Variants in KREMEN1 observed in about 807,000 individuals in gnomAD.
KREMEN1 encodes kremen protein 1.
In KREMEN1, 30 loss-of-function variants were observed where a neutral mutation model predicts 46.5. The observed-to-expected ratio is 0.65, with a 90% confidence interval of 0.48 to 0.88. KREMEN1 has a LOEUF of 0.88. KREMEN1 is among the 40% of genes least tolerant of loss of function. The probability of loss-of-function intolerance (pLI) is 0.00; values close to 1 mark genes in which losing one functional copy is unlikely to be tolerated. For missense variants in KREMEN1, 533 were observed against 596.9 expected (o/e 0.89, Z 1.11); for synonymous variants, 214 against 230.6 (o/e 0.93, Z 0.65).
intron 5 of KREMEN1, among the ~76,000 whole-genome samples, chr22:29,131,552 ATATATATATG>A (rs1229297031): frequency 9.4e-4 from 63 of 66,982 alleles, no homozygotes; most frequent in African/African-American, 1.2e-3. Context: ...ATATATATAT[ATATATATATG>A]TGTGTGTGTG....
At chr22:29,096,475 AC>A (rs2037884336) in intron 2 of KREMEN1, among the ~76,000 whole-genome samples, 1 of 152,192 alleles carries the variant, frequency 6.6e-6, no homozygotes, top group South Asian at 2.1e-4. Flanking sequence ...GTACCCATAA[AC>A]ATCCATTAAG....
intron 3 of KREMEN1, among the ~76,000 whole-genome samples, chr22:29,119,999 G>T (rs1249470757): frequency 6.6e-6 from 1 of 151,262 alleles, no homozygotes; most frequent in Non-Finnish European, 1.5e-5. Context: ...GAAACAGAGG[G>T]AGGAAGAAGA....
rs943275114 is a variant in KREMEN1 at position 29,125,080 on chromosome 22, T to C, written c.478-183T>C. 22 of 638,122 alleles carry C rather than the reference T, an allele frequency of 3.4e-5. No homozygotes were observed. The African/African-American group carries it at 3.6e-4, about 10-fold the overall frequency. 39.5% of individuals were successfully genotyped at this position (638,122 alleles called of 1,614,324 possible). A position where few individuals can be genotyped will look rare whatever the true frequency, so the allele number is the denominator to read the frequency against. On this transcript the variant is annotated intron_variant, in intron 4 of 8. Transcript: ENST00000400335. ...GCCGACAGGGAAACACATTGGTGGT[T>C]GCGTACTTATTGTTCAGCTTGAAAT...
intron 9 of KREMEN1, among the ~76,000 whole-genome samples, chr22:29,156,006 AT>A (rs140636313): frequency 0.029 from 4,475 of 152,242 alleles, 151 homozygotes; most frequent in East Asian, 0.1. Context: ...AAAGAACAAC[AT>A]AAGTCTCTCT....
chr22:29,109,740 G>A (rs2038114755), intron 3 of KREMEN1, among the ~76,000 whole-genome samples: 1 of 152,228 alleles, frequency 6.6e-6, no homozygotes, highest in Admixed American at 6.5e-5. Flanking sequence ...ATCAAAGGAA[G>A]AAAGTTTGGG....
chr22:29,087,849 G>A (rs966943148), intron 1 of KREMEN1, among the ~76,000 whole-genome samples: 1 of 152,180 alleles, frequency 6.6e-6, no homozygotes, highest in Non-Finnish European at 1.5e-5. Flanking sequence ...ACAGGCATGA[G>A]CCACCACGCC....
chr22:29,160,421 TCCCAGCTA>T (rs985632420), intron 9 of KREMEN1, among the ~76,000 whole-genome samples: 18 of 150,352 alleles, frequency 1.2e-4, no homozygotes, highest in African/African-American at 4.2e-4. Context: ...GTGCCTGTAA[TCCCAGCTA>T]CTCGGGAGGC....
chr22:29,165,044 G>A (rs566690318), intron 9 of KREMEN1, among the ~76,000 whole-genome samples: 3 of 152,196 alleles, frequency 2.0e-5, no homozygotes, highest in East Asian at 1.9e-4. Flanking sequence ...ATGGTGGTGC[G>A]TGCCTGTGGT....
At chr22:29,153,968 T>TC (rs2038939582) in intron 9 of KREMEN1, among the ~76,000 whole-genome samples, 1 of 42,964 alleles carries the variant, frequency 2.3e-5, no homozygotes, top group Non-Finnish European at 6.6e-5. Context: ...AGACTTCCTC[T>TC]CAAAAAAAAA....
Position 29,131,628 on chromosome 22 carries a change from ATGTATATATATGTG to A in KREMEN1, c.632-5700_632-5687del, listed in dbSNP as rs1556013627. 6.7e-5 allele frequency among the ~76,000 whole-genome samples: 9 copies of A among 133,738 alleles called. No individual in the cohort carries two copies. The South Asian group carries it at 1.4e-3, about 21-fold the overall frequency. The allele number at this position is 133,738 out of a possible 152,430, so 87.7% of individuals were successfully genotyped here. On this transcript the variant is annotated intron_variant, in intron 5 of 8. Transcript: ENST00000400335. Reference sequence around the variant, plus strand: ...TATATGTGTGTATATATATGTATATATGTATATATATGTGTGTATATATATGTATATATATACAT... The same window carrying A: ...TATATGTGTGTATATATATGTATATATGTATATATATGTATATATATACAT...
downstream of KREMEN1, among the ~76,000 whole-genome samples, chr22:29,150,855 G>T (rs542288900): frequency 6.6e-6 from 1 of 152,148 alleles, no homozygotes; most frequent in Non-Finnish European, 1.5e-5. Context: ...CATCTTTGCC[G>T]CAACCCAACA....
At chr22:29,131,756 G>GTATATATATATGTATATATA (rs2038560660) in intron 5 of KREMEN1, among the ~76,000 whole-genome samples, 1 of 131,292 alleles carries the variant, frequency 7.6e-6, no homozygotes, top group Non-Finnish European at 1.5e-5. Flanking sequence ...ATGTATATAT[G>GTATATATATATGTATATATA]TATATATATA....
intron 9 of KREMEN1, chr22:29,154,870 C>G (rs1445420255): frequency 6.6e-6 from 1 of 152,040 alleles, no homozygotes; most frequent in Non-Finnish European, 1.5e-5. Context: ...GACTCTAAAC[C>G]TGGACATTAG....
intron 2 of KREMEN1, among the ~76,000 whole-genome samples, chr22:29,097,858 A>G (rs1173270620): frequency 1.3e-5 from 2 of 152,164 alleles, no homozygotes; most frequent in Middle Eastern, 3.4e-3. Context: ...TATGTCATCT[A>G]TTGGGTTTTA....
intron 1 of KREMEN1, among the ~76,000 whole-genome samples, chr22:29,080,862 C>A (rs535960344): frequency 7.9e-5 from 12 of 151,066 alleles, no homozygotes; most frequent in Non-Finnish European, 1.5e-4. Context: ...AGAGCCCCCA[C>A]GCCAAAGAGT....
At chr22:29,110,117 C>G (rs1269287062) in intron 3 of KREMEN1, among the ~76,000 whole-genome samples, 1 of 152,210 alleles carries the variant, frequency 6.6e-6, no homozygotes, top group African/African-American at 2.4e-5. Flanking sequence ...TATCATTTCT[C>G]CCAGTTCTCT....
intron 3 of KREMEN1, among the ~76,000 whole-genome samples, chr22:29,110,917 T>C (rs1808777460): frequency 6.6e-6 from 1 of 152,102 alleles, no homozygotes; most frequent in African/African-American, 2.4e-5. Context: ...AGAAGTAGGA[T>C]ACCAGCTGCA....
intron 1 of KREMEN1, among the ~76,000 whole-genome samples, chr22:29,079,933 T>C (rs1355238230): frequency 6.6e-6 from 1 of 152,192 alleles, no homozygotes; most frequent in African/African-American, 2.4e-5. Context: ...TCAAAGAAAA[T>C]TATTGGGCTG....
Position 29,144,292 on chromosome 22 carries a change from G to A in KREMEN1, c.*2180G>A, listed in dbSNP as rs575217570. On this transcript the variant is annotated 3_prime_UTR_variant, in exon 9 of 9. Coordinates refer to ENST00000400335, the MANE Select transcript of KREMEN1 (RefSeq NM_001039570.3). ...GAGGAAAGAGGGCCACACAGGAAGT[G>A]TCTGCAGGGAGAGGTGGCACTCGGC... 2.0e-6 allele frequency: 2 copies of A among 985,628 alleles called. No homozygotes were observed. The highest frequency in any genetic ancestry group is 2.4e-6 in the Non-Finnish European group (2 of 830,142). The allele number at this position is 985,628 out of a possible 1,614,324, so 61.1% of individuals were successfully genotyped here. A position where few individuals can be genotyped will look rare whatever the true frequency, so the allele number is the denominator to read the frequency against.
Sources: allele counts gnomAD v4.1 joint callset (sites outside exome capture counted in the v4.1 genomes callset), GRCh38; gene constraint gnomAD v4.1.1; transcripts MANE v1.5; gene names NCBI Gene and HGNC (gene_info 2026-07-23, HGNC 2026-07-21).